Variants in ANO1 observed in about 807,000 individuals in gnomAD.
ANO1 encodes the protein anoctamin-1.
Under a neutral mutation model 124.0 loss-of-function variants are expected in ANO1, and 59 were observed. That is an observed-to-expected ratio of 0.48 (90% CI 0.39 to 0.59). The LOEUF (loss-of-function observed/expected upper bound fraction) is 0.59. Ranked by LOEUF, ANO1 falls within the 20% of genes least tolerant of loss-of-function variation. ANO1 has a pLI of 0.00. For missense variants in ANO1, 1,059 were observed against 1,328.0 expected (o/e 0.80, Z 3.15); for synonymous variants, 529 against 532.0 (o/e 0.99, Z 0.08).
chr11:70,183,391 T>C (rs773543018), intron 24 of ANO1, among the ~76,000 whole-genome samples: 23 of 152,226 alleles, frequency 1.5e-4, no homozygotes, highest in Admixed American at 5.2e-4. Flanking sequence ...ATCCAGGGAC[T>C]GAGTCTTACT....
intron 1 of ANO1, among the ~76,000 whole-genome samples, chr11:69,999,547 G>A (rs918757906): frequency 9.9e-5 from 15 of 152,142 alleles, no homozygotes; most frequent in African/African-American, 2.7e-4. Flanking sequence ...GCTAGGTTCC[G>A]TGCTCACCAG....
intron 1 of ANO1, among the ~76,000 whole-genome samples, chr11:70,009,640 A>G (rs1461519036): frequency 5.9e-5 from 9 of 152,162 alleles, no homozygotes; most frequent in Admixed American, 3.9e-4. Flanking sequence ...CATGGTTTCA[A>G]TGGTTGGGAA....
intron 1 of ANO1, among the ~76,000 whole-genome samples, chr11:70,040,844 T>C (rs1555004968): frequency 6.6e-6 from 1 of 152,226 alleles, no homozygotes; most frequent in East Asian, 1.9e-4. Context: ...AATGAACAGC[T>C]GCACAGATTC....
chr11:70,109,473 G>C (rs866078187), intron 6 of ANO1, among the ~76,000 whole-genome samples: 3 of 152,184 alleles, frequency 2.0e-5, no homozygotes, highest in Non-Finnish European at 4.4e-5. Flanking sequence ...GGGGAGTGTG[G>C]AGGAGTCCCA....
At chr11:70,042,532 A>ATT (rs1470986318) in intron 1 of ANO1, among the ~76,000 whole-genome samples, 2 of 151,280 alleles carry the variant, frequency 1.3e-5, no homozygotes, top group African/African-American at 4.9e-5. Context: ...AGAGAGAGAG[A>ATT]GAGAGATTGA....
intron 1 of ANO1, among the ~76,000 whole-genome samples, chr11:69,994,021 C>T (rs1380083158): frequency 5.9e-5 from 9 of 151,938 alleles, no homozygotes; most frequent in Non-Finnish European, 1.0e-4. Context: ...CAGTGTCACT[C>T]CCCCTGCACT....
chr11:70,004,018 C>A (rs557890463), intron 1 of ANO1, among the ~76,000 whole-genome samples: 1 of 152,242 alleles, frequency 6.6e-6, no homozygotes, highest in African/African-American at 2.4e-5. Flanking sequence ...CCTCCTTCAG[C>A]CTGAGGCACT....
At chr11:70,083,722 A>G (rs780412615) in intron 1 of ANO1, among the ~76,000 whole-genome samples, 1 of 152,146 alleles carries the variant, frequency 6.6e-6, no homozygotes, top group Non-Finnish European at 1.5e-5. Context: ...AGGAGTGTTT[A>G]TGGAGCCCCA....
chr11:70,158,887 G>A (rs2047931947), intron 16 of ANO1, among the ~76,000 whole-genome samples: 1 of 152,144 alleles, frequency 6.6e-6, no homozygotes, highest in Non-Finnish European at 1.5e-5. Context: ...TCGGTGACTT[G>A]GTGGGAGGGC....
intron 16 of ANO1, among the ~76,000 whole-genome samples, chr11:70,157,996 A>C (rs1361405208): frequency 1.3e-5 from 2 of 151,998 alleles, no homozygotes; most frequent in African/African-American, 4.8e-5. Flanking sequence ...AAAAAAAAAA[A>C]AAAAAACCTG....
At chr11:70,115,384 G>T (rs1044465512) in intron 7 of ANO1, among the ~76,000 whole-genome samples, 3 of 151,994 alleles carry the variant, frequency 2.0e-5, no homozygotes, top group African/African-American at 7.3e-5. Context: ...AGGCCGAGGC[G>T]AGCGGATCAC....
At chr11:69,971,161 TG>T in the ANO1 span, among the ~76,000 whole-genome samples, 25 of 152,268 alleles carry the variant, frequency 1.6e-4, no homozygotes, top group African/African-American at 6.0e-4. Flanking sequence ...GTCCCTGTGC[TG>T]GGGGGGCACC....
At chr11:69,989,454 G>A (rs535004860) in intron 1 of ANO1, among the ~76,000 whole-genome samples, 1 of 152,038 alleles carries the variant, frequency 6.6e-6, no homozygotes, top group East Asian at 1.9e-4. Flanking sequence ...TCTTCTTCTT[G>A]AGTGTGCTGG....
the ANO1 span, among the ~76,000 whole-genome samples, chr11:69,968,153 C>A: frequency 6.6e-6 from 1 of 152,186 alleles, no homozygotes; most frequent in Admixed American, 6.5e-5. Context: ...AGCTGACCAC[C>A]TTCCCCTGGC....
intron 1 of ANO1, among the ~76,000 whole-genome samples, chr11:70,027,229 T>C (rs1381358051): frequency 6.6e-6 from 1 of 152,214 alleles, no homozygotes; most frequent in Admixed American, 6.5e-5. Context: ...GAGTCAAAAA[T>C]GCATTGAGTA....
intron 12 of ANO1, among the ~76,000 whole-genome samples, chr11:70,151,752 G>A (rs1227893149): frequency 2.0e-5 from 3 of 152,204 alleles, no homozygotes; most frequent in African/African-American, 4.8e-5. Flanking sequence ...AACCTCAGGC[G>A]ACAGGGGCCG....
the ANO1 span, among the ~76,000 whole-genome samples, chr11:69,978,724 C>G: frequency 6.6e-6 from 1 of 152,172 alleles, no homozygotes; most frequent in Non-Finnish European, 1.5e-5. Context: ...AGTCATTCTC[C>G]CATGGACTCC....
intron 1 of ANO1, among the ~76,000 whole-genome samples, chr11:70,041,226 T>C (rs1239470597): frequency 2.0e-5 from 3 of 152,178 alleles, no homozygotes; most frequent in African/African-American, 7.2e-5. Context: ...ATGGGTCTTG[T>C]GAGTGCTATT....
intron 7 of ANO1, among the ~76,000 whole-genome samples, chr11:70,112,466 G>A (rs973454379): frequency 6.6e-6 from 1 of 152,162 alleles, no homozygotes; most frequent in African/African-American, 2.4e-5. Context: ...GCCTTGAGTG[G>A]TGGAGTCAGC....
Sources: allele counts gnomAD v4.1 joint callset (sites outside exome capture counted in the v4.1 genomes callset), GRCh38; gene constraint gnomAD v4.1.1; transcripts MANE v1.5; gene names NCBI Gene and HGNC (gene_info 2026-07-23, HGNC 2026-07-21).